The following CEP57L1 variants were observed in gnomAD, a reference collection of about 807,000 sequenced individuals.
CEP57L1 encodes the protein centrosomal protein CEP57L1.
A neutral mutation model predicts 61.0 loss-of-function variants in CEP57L1; 37 were observed. The observed-to-expected ratio is 0.61, with a 90% CI of 0.47 to 0.80. The LOEUF is 0.80. Among genes scored for constraint, CEP57L1 ranks in the 30% least tolerant of loss-of-function variants. CEP57L1 has a pLI of 0.00. For missense variants in CEP57L1, 422 were observed against 524.7 expected (o/e 0.80, Z 1.91); for synonymous variants, 137 against 162.3 (o/e 0.84, Z 1.19).
chr6:109,154,425 A>G (rs893732477), intron 5 of CEP57L1, among the ~76,000 whole-genome samples: 2 of 152,156 alleles, frequency 1.3e-5, no homozygotes, highest in Non-Finnish European at 2.9e-5. Context: ...CACAGATGTA[A>G]GACATAATAC....
rs537123938 is a variant in CEP57L1, at chr6:109,166,372, A to G, written c.*3402A>G. On this transcript the variant is annotated 3_prime_UTR_variant, in exon 11 of 11. Coordinates refer to ENST00000517392, the MANE Select transcript of CEP57L1 (RefSeq NM_001271852.3). ...TTTAAAAGTGTAATTTTAACTATAA[A>G]TGTATATTCTTTTTTTTTTTTTTTT... 6.7e-6 allele frequency among the ~76,000 whole-genome samples: 1 copy of G among 150,330 alleles called. No homozygotes were observed. Among genetic ancestry groups the G allele is most frequent in the African/African-American group, 2.4e-5 (1 of 40,904 alleles).
intron 1 of CEP57L1, among the ~76,000 whole-genome samples, chr6:109,104,706 A>G (rs886649065): frequency 1.1e-4 from 16 of 151,940 alleles, no homozygotes; most frequent in African/African-American, 3.9e-4. Flanking sequence ...CCTCTGCCCT[A>G]CAAGTAGCTG....
intron 1 of CEP57L1, among the ~76,000 whole-genome samples, chr6:109,114,841 A>T (rs1772097078): frequency 6.6e-6 from 1 of 152,184 alleles, no homozygotes; most frequent in Non-Finnish European, 1.5e-5. Flanking sequence ...GCTAAAAGAG[A>T]TAATTTTAAA....
intron 1 of CEP57L1, among the ~76,000 whole-genome samples, chr6:109,122,646 C>G (rs908865896): frequency 1.3e-5 from 2 of 151,882 alleles, no homozygotes; most frequent in Non-Finnish European, 2.9e-5. Context: ...ACTAAAGATA[C>G]AAAAAATTAG....
chr6:109,107,043 T>G (rs1289813903), intron 1 of CEP57L1, among the ~76,000 whole-genome samples: 3 of 152,202 alleles, frequency 2.0e-5, no homozygotes, highest in African/African-American at 7.2e-5. Context: ...TTCTTATACG[T>G]TTCAAACTAC....
Position 109,163,026 on chromosome 6 carries a change from TA to T in CEP57L1, c.*59del. The T allele has an allele frequency of 9.3e-7, 1 of 1,075,456 alleles. No homozygotes were observed. The highest frequency in any genetic ancestry group is 1.4e-6 in the Non-Finnish European group (1 of 720,372). 66.6% of individuals were successfully genotyped at this position (1,075,456 alleles called of 1,614,324 possible). On this transcript the variant is annotated 3_prime_UTR_variant, in exon 11 of 11. Coordinates refer to ENST00000517392, the MANE Select transcript of CEP57L1 (RefSeq NM_001271852.3). ...TTTGTCAGTGAGACCTTGAATTGTC[TA>T]AAGTGGTTTTAATTTAATATAACTT... is the stretch of plus-strand genomic sequence containing the variant.
In CEP57L1 at chr6:109,117,644, T is replaced by A. The variant is rs76003290; in HGVS notation, c.-4+22069T>A. ...CCATTTCCAGCTCTAAGCACAAAGT[T>A]TGGCACATGATAGATGCTTAGCAAA... On this transcript the variant is annotated intron_variant, in intron 1 of 10. Coordinates refer to ENST00000517392, the MANE Select transcript of CEP57L1 (RefSeq NM_001271852.3). 8.3e-3 allele frequency among the ~76,000 whole-genome samples: 1,264 copies of A among 152,336 alleles called. 24 individuals are homozygous for A. The highest frequency in any genetic ancestry group is 0.029 in the African/African-American group (1,213 of 41,572).
chr6:109,104,855 A>G (rs182934662), intron 1 of CEP57L1, among the ~76,000 whole-genome samples: 1 of 152,260 alleles, frequency 6.6e-6, no homozygotes, highest in Non-Finnish European at 1.5e-5. Flanking sequence ...CCAAAGTGCT[A>G]GGATTACAGA....
intron 1 of CEP57L1, chr6:109,130,702 C>T (rs1333229478): frequency 7.2e-5 from 9 of 124,666 alleles, no homozygotes; most frequent in South Asian, 2.7e-4. Context: ...GAACACTTTT[C>T]ATTTGTTGTT....
intron 1 of CEP57L1, among the ~76,000 whole-genome samples, chr6:109,136,604 A>G (rs980828352): frequency 3.3e-5 from 5 of 151,414 alleles, no homozygotes; most frequent in African/African-American, 1.2e-4. Context: ...TTATTTTGCA[A>G]ATGCGGAATT....
chr6:109,159,478 C>CTTT lies in CEP57L1; in HGVS notation c.1016+25_1016+27dup. ...AAATGAGCATGTAAGTATTTATATT[C>CTTT]TTTTTTTTTTTCAAGAGACAGTGTC... On this transcript the variant is annotated intron_variant, in intron 9 of 10. Coordinates refer to ENST00000517392, the MANE Select transcript of CEP57L1 (RefSeq NM_001271852.3). 1 of 1,243,230 alleles carries CTTT rather than the reference C, an allele frequency of 8.0e-7. No homozygotes were observed. Among genetic ancestry groups the CTTT allele is most frequent in the Non-Finnish European group, 1.1e-6 (1 of 906,848 alleles). 77.0% of individuals were successfully genotyped at this position (1,243,230 alleles called of 1,614,324 possible).
chr6:109,123,161 GGCTTCAGCTGCCATCTATGTA>G (rs1773171456), intron 1 of CEP57L1, among the ~76,000 whole-genome samples: 2 of 152,024 alleles, frequency 1.3e-5, no homozygotes, highest in Non-Finnish European at 2.9e-5. Context: ...CAGTACTCAT[GGCTTCAGCTGCCATCTATGTA>G]TATTGATGAC....
In CEP57L1 at chr6:109,159,357, C is replaced by G. The variant is rs754105492; in HGVS notation, c.911C>G (p.Ser304Cys). 9 of 1,613,984 alleles carry G rather than the reference C, an allele frequency of 5.6e-6. No homozygotes were observed. In the Admixed American group the frequency reaches 6.7e-5, roughly 12 times the overall value. Residue 304 changes from serine to cysteine, a missense_variant, in exon 9 of 11, where the codon TCC becomes TGC. Physicochemically the swap from Ser to Cys is moderately radical, Grantham distance 112 (BLOSUM62 -1). Transcript: ENST00000517392. ...CTCCCCAAGCCTTCTAGAACAACTTCCTGGTGTAAAGCTATTCCTCCTGAC... is the reference window on the plus strand; with the variant it reads ...CTCCCCAAGCCTTCTAGAACAACTTGCTGGTGTAAAGCTATTCCTCCTGAC... Reference protein sequence around the residue: ...RCLPKPSRTTSWCKAIPPDSE... With the variant: ...RCLPKPSRTTCWCKAIPPDSE...
At chr6:109,150,349 G>A (rs915823681) in intron 4 of CEP57L1, 110 bp downstream of exon 4, 33 of 1,301,148 alleles carry the variant, frequency 2.5e-5, no homozygotes, top group Non-Finnish European at 3.4e-5. Context: ...TTAGAATGAG[G>A]TCTAACTTAC....
chr6:109,137,038 G>T (rs1770821186), intron 1 of CEP57L1, among the ~76,000 whole-genome samples: 1 of 151,980 alleles, frequency 6.6e-6, no homozygotes, highest in Non-Finnish European at 1.5e-5. Context: ...TAGGTGTGGG[G>T]CATGGCGCCT....
At chr6:109,142,151 C>G (rs578181641) in intron 1 of CEP57L1, among the ~76,000 whole-genome samples, 13 of 152,216 alleles carry the variant, frequency 8.5e-5, no homozygotes, top group African/African-American at 3.1e-4. Flanking sequence ...ACCATAAAAA[C>G]AGTGAGTAAT....
rs1774321968 is a variant in CEP57L1, at chr6:109,169,855, A to G, written c.*6885A>G. ...AAACCCTATTTTTCCGAGCATCAAC[A>G]GTCAGTGGCACCATGAAAATTAAAA... is the stretch of plus-strand genomic sequence containing the variant. On this transcript the variant is annotated 3_prime_UTR_variant, in exon 11 of 11. Coordinates refer to ENST00000517392, the MANE Select transcript of CEP57L1 (RefSeq NM_001271852.3). 6.6e-6 allele frequency among the ~76,000 whole-genome samples: 1 copy of G among 152,260 alleles called. No individual in the cohort carries two copies. The highest frequency in any genetic ancestry group is 2.4e-5 in the African/African-American group (1 of 41,482).
At chr6:109,144,068 A>C (rs959185317) in intron 1 of CEP57L1, among the ~76,000 whole-genome samples, 2 of 152,186 alleles carry the variant, frequency 1.3e-5, no homozygotes, top group African/African-American at 4.8e-5. Flanking sequence ...TCACAATAGC[A>C]AAATATGGTT....
intron 1 of CEP57L1, among the ~76,000 whole-genome samples, chr6:109,108,602 C>G (rs1771208657): frequency 6.6e-6 from 1 of 152,098 alleles, no homozygotes; most frequent in South Asian, 2.1e-4. Flanking sequence ...AGACCTTGTG[C>G]TGTGATTTTT....
Sources: gnomAD v4.1 joint callset for allele counts (sites outside exome capture counted in the v4.1 genomes callset) on GRCh38, gnomAD v4.1.1 for gene constraint, MANE v1.5 for transcripts, NCBI Gene and HGNC (gene_info 2026-07-23, HGNC 2026-07-21) for gene names.